Variants in MTF2 observed in about 807,000 individuals in gnomAD.
MTF2 encodes the protein metal-response element-binding transcription factor 2.
A neutral mutation model predicts 79.5 loss-of-function variants in MTF2; 11 were observed. That is an observed-to-expected ratio of 0.14 (90% CI 0.09 to 0.23). The LOEUF (loss-of-function observed/expected upper bound fraction) is 0.23, where lower values mean the gene tolerates loss of function less well. Among genes scored for constraint, MTF2 ranks in the 10% least tolerant of loss-of-function variants. The pLI is 1.00. For missense variants in MTF2, 486 were observed against 711.2 expected (o/e 0.68, Z 3.60); for synonymous variants, 208 against 232.8 (o/e 0.89, Z 0.97).
intron 1 of MTF2, among the ~76,000 whole-genome samples, chr1:93,106,382 G>A (rs1224522984): frequency 1.3e-5 from 2 of 151,722 alleles, no homozygotes; most frequent in African/African-American, 4.8e-5. Context: ...TGGAATTCTA[G>A]GTCTTAACGC....
At position 93,115,007 on chromosome 1, in the gene MTF2, C is replaced by G. The variant is rs1218162567; in HGVS notation, c.402C>G (p.His134Gln). ...KCGQGYHQLCHTPHIDSSVID... is the reference protein window; with the variant it reads ...KCGQGYHQLCQTPHIDSSVID... ...ATTAAGGATATCATCAGTTGTGTCA[C>G]ACACCTCATATTGATTCCAGTGTGA... The change falls in exon 5 of 15, where the codon CAC becomes CAG. Residue 134 changes from histidine (H) to glutamine (Q), a missense_variant. This residue lies in a region of MTF2 where 177 missense variants were observed against 364.0 expected (regional missense o/e 0.49). Transcript: ENST00000370298. 6.2e-7 allele frequency: 1 copy of G among 1,607,540 alleles called. No individual in the cohort carries two copies. Among genetic ancestry groups the G allele is most frequent in the South Asian group, 1.1e-5 (1 of 90,354 alleles).
Position 93,079,299 on chromosome 1 carries a change from A to G in MTF2, c.-228A>G, listed in dbSNP as rs1479333339. The G allele has an allele frequency of 1.8e-6, 1 of 548,310 alleles. No individual in the cohort carries two copies. The highest frequency in any genetic ancestry group is 1.9e-5 in the African/African-American group (1 of 52,276). The allele number at this position is 548,310 out of a possible 1,614,324, so 34.0% of individuals were successfully genotyped here. ...TGCACCGGCAGTCCGCGGGAAACCA[A>G]AATGGCGAGGGGCTGTATTGAAGTG... On this transcript the variant is annotated 5_prime_UTR_variant, in exon 1 of 15. Transcript: ENST00000370298.
At chr1:93,134,034 T>G in intron 13 of MTF2, 54 bp downstream of exon 13, 1 of 1,547,004 alleles carries the variant, frequency 6.5e-7, no homozygotes, top group Non-Finnish European at 8.9e-7. Flanking sequence ...GAGTAGATAT[T>G]AATATTTGTT....
chr1:93,110,424 A>T lies in MTF2; in HGVS notation c.200A>T (p.Lys67Ile). The T allele has an allele frequency of 6.2e-7, 1 of 1,614,186 alleles. No homozygotes were observed. The change falls in exon 2 of 15, where the codon AAA (lysine) becomes ATA (isoleucine). Residue 67 changes from lysine to isoleucine, a missense_variant. This residue lies in a region of MTF2 where 75 missense variants were observed against 83.8 expected (regional missense o/e 0.89). Coordinates refer to ENST00000370298, the MANE Select transcript of MTF2 (RefSeq NM_007358.4). ...GGCTTGTTTTATCTTGGCACTATCA[A>T]AAAGGCAAGTTACTTTAATGTATCT... ...SDGLFYLGTI[K>I]KINILKQSCF...
At position 93,136,782 on chromosome 1, in the gene MTF2, T is replaced by C; in HGVS notation, c.1537T>C (p.Ser513Pro). The C allele has an allele frequency of 6.2e-7, 1 of 1,614,062 alleles. No homozygotes were observed. Reference protein sequence around the residue: ...LPRRALQTQNSEIVKDDEGKE... With the variant: ...LPRRALQTQNPEIVKDDEGKE... Reference sequence around the variant, plus strand: ...AAGAAGAGCACTCCAGACTCAGAACTCAGAAATTGTAAAAGATGATGAAGG... The same window carrying C: ...AAGAAGAGCACTCCAGACTCAGAACCCAGAAATTGTAAAAGATGATGAAGG... Residue 513 changes from serine (S) to proline (P), a missense_variant, in exon 15 of 15, where the codon TCA becomes CCA. Ser to Pro is a moderately conservative substitution (Grantham distance 74). This residue lies in a region of MTF2 where 209 missense variants were observed against 206.5 expected (regional missense o/e 1.01). Transcript: ENST00000370298.
intron 1 of MTF2, among the ~76,000 whole-genome samples, chr1:93,084,095 G>GT (rs936432714): frequency 2.3e-4 from 35 of 151,088 alleles, no homozygotes; most frequent in African/African-American, 8.5e-4. Flanking sequence ...TTTTGATGCC[G>GT]TATCTAAAGA....
intron 9 of MTF2, among the ~76,000 whole-genome samples, chr1:93,122,258 A>G (rs1656513313): frequency 1.3e-5 from 2 of 152,210 alleles, no homozygotes; most frequent in African/African-American, 4.8e-5. Flanking sequence ...AGCACTTCAT[A>G]TGCAGATACA....
intron 1 of MTF2, among the ~76,000 whole-genome samples, chr1:93,093,112 G>A (rs1336415201): frequency 1.3e-5 from 2 of 151,844 alleles, no homozygotes; most frequent in African/African-American, 4.8e-5. Flanking sequence ...AACCCGGGAG[G>A]CAGAGGTTGC....
intron 14 of MTF2, among the ~76,000 whole-genome samples, chr1:93,135,127 T>C (rs1571257910): frequency 6.6e-6 from 1 of 152,198 alleles, no homozygotes; most frequent in East Asian, 1.9e-4. Flanking sequence ...TGCGCCACCA[T>C]GCCCAGCTAA....
chr1:93,107,942 G>A (rs529681025), intron 1 of MTF2, among the ~76,000 whole-genome samples: 8 of 151,968 alleles, frequency 5.3e-5, no homozygotes, highest in East Asian at 3.9e-4. Context: ...CACAATGCCC[G>A]GCTAATTTTT....
rs1309151268 is a variant in MTF2 at position 93,099,474 on chromosome 1, G to C, written c.6-10756G>C. On this transcript the variant is annotated intron_variant, in intron 1 of 14. Coordinates refer to ENST00000370298, the MANE Select transcript of MTF2 (RefSeq NM_007358.4). ...GTAACCTATAAAGGAGTAAAAGTCA[G>C]AGTGGCATCAGATTTTTCATTATGA... Among the ~76,000 whole-genome samples, 4 of 152,336 alleles carry C rather than the reference G, an allele frequency of 2.6e-5. No homozygotes were observed. The East Asian group carries it at 7.7e-4, about 29-fold the overall frequency.
At chr1:93,123,050 G>A (rs1235797290) in intron 9 of MTF2, among the ~76,000 whole-genome samples, 1 of 151,748 alleles carries the variant, frequency 6.6e-6, no homozygotes, top group East Asian at 1.9e-4. Context: ...CCAAATTTAG[G>A]TTAACAAAAA....
Position 93,138,689 on chromosome 1 carries a change from A to G in MTF2, c.*1662A>G, listed in dbSNP as rs1553157219. 6.6e-6 allele frequency: 1 copy of G among 152,182 alleles called. No individual in the cohort carries two copies. Among genetic ancestry groups the G allele is most frequent in the Non-Finnish European group, 1.5e-5 (1 of 68,026 alleles). 9.4% of individuals were successfully genotyped at this position (152,182 alleles called of 1,614,324 possible). ...ACCAAAACTTGATTTTCCCCTAGCT[A>G]TTAATTTAAGGTTGCCTTTCCTGCA... On this transcript the variant is annotated 3_prime_UTR_variant, in exon 15 of 15. Transcript: ENST00000370298.
chr1:93,091,168 T>C (rs532482856), intron 1 of MTF2, among the ~76,000 whole-genome samples: 1 of 152,300 alleles, frequency 6.6e-6, no homozygotes, highest in African/African-American at 2.4e-5. Context: ...ACGTTTGAAT[T>C]GTTATATTCA....
chr1:93,079,446 G>C lies in MTF2; in HGVS notation c.-81G>C. On this transcript the variant is annotated 5_prime_UTR_variant, in exon 1 of 15. Coordinates refer to ENST00000370298, the MANE Select transcript of MTF2 (RefSeq NM_007358.4). ...TGGGGCGGGTGCCCAGTAAGTGCTC[G>C]GACTCGCAGGGGAAGCGCCCACGGG... is the stretch of plus-strand genomic sequence containing the variant. 6.3e-7 allele frequency: 1 copy of C among 1,589,654 alleles called. No individual in the cohort carries two copies. Among genetic ancestry groups the C allele is most frequent in the Non-Finnish European group, 8.6e-7 (1 of 1,159,286 alleles).
chr1:93,137,204 A>C lies in MTF2; in HGVS notation c.*177A>C, dbSNP rs1557563936. On this transcript the variant is annotated 3_prime_UTR_variant, in exon 15 of 15. Transcript: ENST00000370298. ...CTGTCAATGTTATGGATATTGTCATAAAAAGGTATCTTTTAAAAATCAGAA... is the reference window on the plus strand; with the variant it reads ...CTGTCAATGTTATGGATATTGTCATCAAAAGGTATCTTTTAAAAATCAGAA... The C allele has an allele frequency of 2.1e-6, 1 of 482,016 alleles. No individual in the cohort carries two copies. Among genetic ancestry groups the C allele is most frequent in the African/African-American group, 1.9e-5 (1 of 51,910 alleles). 29.9% of individuals were successfully genotyped at this position (482,016 alleles called of 1,614,324 possible).
chr1:93,123,281 A>T, intron 9 of MTF2, among the ~76,000 whole-genome samples: 1 of 134,956 alleles, frequency 7.4e-6, no homozygotes, highest in African/African-American at 2.8e-5. Context: ...TTTTTAAGAG[A>T]CCCTTGCTCA....
At chr1:93,124,540 G>C (rs1415860291) in intron 9 of MTF2, among the ~76,000 whole-genome samples, 12 of 152,000 alleles carry the variant, frequency 7.9e-5, no homozygotes, top group Admixed American at 5.9e-4. Flanking sequence ...GGGAGGTAGG[G>C]AGAAAAGCAA....
chr1:93,133,925 C>T lies in MTF2; in HGVS notation c.1267-3C>T, dbSNP rs765066554. 6 of 1,568,818 alleles carry T rather than the reference C, an allele frequency of 3.8e-6. No individual in the cohort carries two copies. Among genetic ancestry groups the T allele is most frequent in the African/African-American group, 1.4e-5 (1 of 73,286 alleles). ...GCTTTAAGTATATATTTTTATTTTCCAGGATAAGGAATCAATTTCAGAGAA... is the reference window on the plus strand; with the variant it reads ...GCTTTAAGTATATATTTTTATTTTCTAGGATAAGGAATCAATTTCAGAGAA... On this transcript the variant is annotated splice_polypyrimidine_tract_variant and splice_region_variant and intron_variant, in intron 12 of 14. Coordinates refer to ENST00000370298, the MANE Select transcript of MTF2 (RefSeq NM_007358.4).
Sources: allele counts gnomAD v4.1 joint callset (sites outside exome capture counted in the v4.1 genomes callset), GRCh38; gene constraint gnomAD v4.1.1; regional missense constraint gnomAD v4.1.1; transcripts MANE v1.5; gene names NCBI Gene and HGNC (gene_info 2026-07-23, HGNC 2026-07-21).